Variants in PIGX observed in about 807,000 individuals in gnomAD.
The protein encoded by PIGX is GPI alpha-1,4-mannosyltransferase I, stabilizing subunit.
In PIGX, 24 loss-of-function variants were observed where a neutral mutation model predicts 28.7. The ratio of observed to expected loss-of-function variants is 0.84; its 90% confidence interval spans 0.60 to 1.17. PIGX has a LOEUF of 1.17. Ranked by LOEUF, PIGX falls within the 50% of genes most tolerant of loss-of-function variation. The probability of loss-of-function intolerance (pLI) is 0.00; values close to 1 mark genes in which losing one functional copy is unlikely to be tolerated. For missense variants in PIGX, 305 were observed against 317.8 expected, an observed-to-expected ratio of 0.96 and a Z score of 0.31; for synonymous variants, 127 against 121.0, an observed-to-expected ratio of 1.05 and a Z score of -0.33.
chr3:196,714,785 G>T (rs1001166602), intron 1 of PIGX, among the ~76,000 whole-genome samples: 1 of 152,184 alleles, frequency 6.6e-6, no homozygotes, highest in African/African-American at 2.4e-5. Context: ...TTAAGAGGCA[G>T]AGCCTTGCTC....
At chr3:196,713,118 A>G in intron 1 of PIGX, 2 of 983,732 alleles carry the variant, frequency 2.0e-6, no homozygotes, top group South Asian at 9.4e-5. Flanking sequence ...AATAATTACA[A>G]TAAAGGGTAA....
In PIGX at chr3:196,728,047, T is replaced by C; in HGVS notation, c.443T>C (p.Val148Ala). 1.2e-6 allele frequency: 2 copies of C among 1,614,194 alleles called. No homozygotes were observed. Among genetic ancestry groups the C allele is most frequent in the Non-Finnish European group, 1.7e-6 (2 of 1,180,014 alleles). ...GACTGTTTTCAAGCCTTTTTGCCTG[T>C]GCACTGCCGCTATCATCGGCCGCAC... Residue 148 changes from valine (V) to alanine (A), a missense_variant, in exon 4 of 6, where the codon GTG becomes GCG. Transcript: ENST00000392391.
At chr3:196,730,582 T>C (rs1712707169) in intron 4 of PIGX, among the ~76,000 whole-genome samples, 2 of 151,758 alleles carry the variant, frequency 1.3e-5, no homozygotes, top group African/African-American at 4.8e-5. Context: ...ACCCGATCTC[T>C]ACTAAAAATA....
Position 196,735,354 on chromosome 3 carries a change from C to T in PIGX, c.*1452C>T, listed in dbSNP as rs1363810033. ...ATAAAACCTTAGGGCAAGCATGTTC[C>T]AAAACAGAAGACATCAAACCAGGGT... is the stretch of plus-strand genomic sequence containing the variant. On this transcript the variant is annotated 3_prime_UTR_variant, in exon 6 of 6. Transcript: ENST00000392391. 2.8e-5 allele frequency: 4 copies of T among 141,822 alleles called. No individual in the cohort carries two copies. Among genetic ancestry groups the T allele is most frequent in the Non-Finnish European group, 6.1e-5 (4 of 65,478 alleles). The allele number at this position is 141,822 out of a possible 1,614,324, so 8.8% of individuals were successfully genotyped here.
At chr3:196,729,578 G>A (rs182058698) in intron 4 of PIGX, among the ~76,000 whole-genome samples, 4 of 150,714 alleles carry the variant, frequency 2.7e-5, no homozygotes, top group Non-Finnish European at 5.9e-5. Flanking sequence ...TAGTAGAGAC[G>A]GAGTTTCACT....
At chr3:196,731,173 A>T in intron 5 of PIGX, 81 bp downstream of exon 5, 1 of 748,746 alleles carries the variant, frequency 1.3e-6, no homozygotes, top group African/African-American at 1.8e-5. Context: ...CACATTTAAG[A>T]GATTAGCATT....
chr3:196,715,629 T>A (rs187275101), intron 1 of PIGX, among the ~76,000 whole-genome samples: 1 of 152,362 alleles, frequency 6.6e-6, no homozygotes, highest in Admixed American at 6.5e-5. Flanking sequence ...TTCAGCAATA[T>A]TCAATGATAA....
intron 1 of PIGX, among the ~76,000 whole-genome samples, chr3:196,713,747 G>A (rs1711948665): frequency 6.6e-6 from 1 of 151,232 alleles, no homozygotes; most frequent in Non-Finnish European, 1.5e-5. Context: ...TAAGGCAGGA[G>A]AATCGCTTGA....
At chr3:196,732,278 T>A (rs796098877) in intron 5 of PIGX, among the ~76,000 whole-genome samples, 6,083 of 71,552 alleles carry the variant, frequency 0.085, 609 homozygotes, top group African/African-American at 0.13. Context: ...TTTATTTTTT[T>A]TTTTATTTTA....
Position 196,712,446 on chromosome 3 carries a change from C to T in PIGX, c.-87C>T. On this transcript the variant is annotated 5_prime_UTR_variant, in exon 1 of 6. Transcript: ENST00000392391. ...CCCAGCCGATAAATCTGGGGCAGCG[C>T]GCGGTAGGAGCTGCGGGCGGCCAGG... 1.8e-6 allele frequency: 1 copy of T among 549,156 alleles called. No individual in the cohort carries two copies. The highest frequency in any genetic ancestry group is 2.5e-6 in the Non-Finnish European group (1 of 396,746). The allele number at this position is 549,156 out of a possible 1,614,324, so 34.0% of individuals were successfully genotyped here.
chr3:196,733,829 C>T lies in PIGX; in HGVS notation c.704C>T (p.Thr235Ile). The change falls in exon 6 of 6, where the codon ACT becomes ATT. Residue 235 changes from threonine (T) to isoleucine (I), a missense_variant. Physicochemically the swap from Thr to Ile is moderately conservative, Grantham distance 89 (BLOSUM62 -1). Coordinates refer to ENST00000392391, the MANE Select transcript of PIGX (RefSeq NM_017861.4). This position sits in a 1 kb window ranked among gnomAD's most constrained non-coding sequence, Gnocchi z 4.3. ...CATACCTCTCTAGTATGTTCTGTGA[C>T]TCTGCTCATTACAATCCTGTGCTCT... 6.3e-7 allele frequency: 1 copy of T among 1,586,742 alleles called. No homozygotes were observed. The highest frequency in any genetic ancestry group is 8.7e-7 in the Non-Finnish European group (1 of 1,155,100).
At chr3:196,718,461 AT>A (rs1378559922) in intron 2 of PIGX, among the ~76,000 whole-genome samples, 1 of 152,098 alleles carries the variant, frequency 6.6e-6, no homozygotes, top group African/African-American at 2.4e-5. Context: ...TGGGTGTTAA[AT>A]TTTGTCAGAT....
intron 2 of PIGX, among the ~76,000 whole-genome samples, 163 bp from the exon 3 acceptor site, chr3:196,722,252 A>G (rs1236065420): frequency 6.6e-6 from 1 of 152,248 alleles, no homozygotes; most frequent in African/African-American, 2.4e-5. Flanking sequence ...GAAAGATCTA[A>G]TGGATGATTC....
At chr3:196,713,326 G>A (rs1273671544) in intron 1 of PIGX, among the ~76,000 whole-genome samples, 1 of 151,004 alleles carries the variant, frequency 6.6e-6, no homozygotes, top group Non-Finnish European at 1.5e-5. Context: ...TTTTGAGATG[G>A]AGTCTCACTC....
intron 3 of PIGX, among the ~76,000 whole-genome samples, chr3:196,726,062 G>A (rs571142566): frequency 6.6e-6 from 1 of 152,220 alleles, no homozygotes; most frequent in East Asian, 1.9e-4. Flanking sequence ...ATAATGAGGA[G>A]GTGAATCAAT....
At chr3:196,723,053 A>G (rs982111967) in intron 3 of PIGX, among the ~76,000 whole-genome samples, 2 of 152,204 alleles carry the variant, frequency 1.3e-5, no homozygotes, top group Non-Finnish European at 2.9e-5. Context: ...TATATAGGGA[A>G]ACTGAGGGCT....
At chr3:196,727,836 A>G in intron 3 of PIGX, 87 bp from the exon 4 acceptor site, 1 of 854,738 alleles carries the variant, frequency 1.2e-6, no homozygotes, top group South Asian at 1.7e-5. Flanking sequence ...ACTGCTGTGT[A>G]TCTGTATATA....
chr3:196,724,715 C>A (rs1346169295), intron 3 of PIGX, among the ~76,000 whole-genome samples: 1 of 152,158 alleles, frequency 6.6e-6, no homozygotes, highest in Non-Finnish European at 1.5e-5. Context: ...ATAGATGTTA[C>A]ATTTGTGACG....
intron 3 of PIGX, 73 bp from the exon 4 acceptor site, chr3:196,727,849 CT>C: frequency 9.5e-7 from 1 of 1,054,508 alleles, no homozygotes; most frequent in East Asian, 2.4e-5. Flanking sequence ...TGTATATAGT[CT>C]TCTGGTTTTA....
Sources: gnomAD v4.1 joint callset for allele counts (sites outside exome capture counted in the v4.1 genomes callset) on GRCh38, gnomAD v4.1.1 for gene constraint, Gnocchi (gnomAD v3.1) non-coding constraint, MANE v1.5 for transcripts, NCBI Gene and HGNC (gene_info 2026-07-23, HGNC 2026-07-21) for gene names.